UVRAG: variants seen among roughly 807,000 people sequenced by gnomAD.
UVRAG encodes UV radiation resistance-associated gene protein.
UVRAG carries 19 observed loss-of-function variants against 78.0 expected under a neutral mutation model. The ratio of observed to expected loss-of-function variants is 0.24; its 90% CI spans 0.17 to 0.36. UVRAG has a LOEUF of 0.36. Among genes scored for constraint, UVRAG ranks in the 10% least tolerant of loss-of-function variants. UVRAG has a pLI of 1.00. For missense variants in UVRAG, 740 were observed against 853.8 expected (o/e 0.87, Z 1.66); for synonymous variants, 323 against 324.6 (o/e 1.00, Z 0.05).
At chr11:75,844,392 A>G (rs1489394081) in intron 1 of UVRAG, among the ~76,000 whole-genome samples, 2 of 151,698 alleles carry the variant, frequency 1.3e-5, no homozygotes, top group Admixed American at 1.3e-4. Flanking sequence ...ACGCCTGGCT[A>G]ATTTTTTGTA....
intron 6 of UVRAG, among the ~76,000 whole-genome samples, chr11:75,955,478 A>G (rs930015164): frequency 6.6e-6 from 1 of 152,200 alleles, no homozygotes; most frequent in Non-Finnish European, 1.5e-5. Context: ...TGAACCTCTC[A>G]TATATATGAT....
At chr11:75,978,085 A>G (rs1949291371) in intron 7 of UVRAG, among the ~76,000 whole-genome samples, 1 of 152,094 alleles carries the variant, frequency 6.6e-6, no homozygotes, top group Admixed American at 6.5e-5. Context: ...ATCTCTCAGC[A>G]TTTGCTTGTC....
chr11:75,975,724 G>A (rs982591548), intron 7 of UVRAG, among the ~76,000 whole-genome samples: 8 of 152,340 alleles, frequency 5.3e-5, no homozygotes, highest in Admixed American at 2.0e-4. Context: ...TTTGTATCCT[G>A]AGACTTTGCT....
At chr11:76,040,128 T>C (rs1950616445) in intron 12 of UVRAG, among the ~76,000 whole-genome samples, 1 of 152,090 alleles carries the variant, frequency 6.6e-6, no homozygotes. Flanking sequence ...CCCTGGGCAT[T>C]ATCAAGTGTT....
At chr11:76,097,169 A>G (rs1364712307) in intron 13 of UVRAG, among the ~76,000 whole-genome samples, 3 of 152,094 alleles carry the variant, frequency 2.0e-5, no homozygotes, top group Admixed American at 6.6e-5. Context: ...GAGCCTGTAT[A>G]ACTGCTCGAC....
intron 7 of UVRAG, among the ~76,000 whole-genome samples, chr11:75,970,455 G>A (rs1022892306): frequency 6.6e-5 from 10 of 152,148 alleles, no homozygotes; most frequent in South Asian, 6.2e-4. Context: ...AGAAAGGGCC[G>A]GGCATGATGG....
At chr11:75,880,614 G>A (rs897630041) in intron 4 of UVRAG, among the ~76,000 whole-genome samples, 4 of 152,146 alleles carry the variant, frequency 2.6e-5, no homozygotes, top group Non-Finnish European at 4.4e-5. Flanking sequence ...GTGCAATGGC[G>A]CGCAATCTCG....
intron 12 of UVRAG, among the ~76,000 whole-genome samples, chr11:76,051,131 G>C (rs1388328589): frequency 6.6e-6 from 1 of 152,188 alleles, no homozygotes; most frequent in African/African-American, 2.4e-5. Context: ...ACATTGTGAA[G>C]TGTTGTCTTT....
chr11:76,120,664 A>C (rs1041532673), intron 14 of UVRAG, among the ~76,000 whole-genome samples: 2 of 152,214 alleles, frequency 1.3e-5, no homozygotes, highest in African/African-American at 4.8e-5. Context: ...ACTTTATGGT[A>C]CTGTAACGTA....
chr11:75,885,608 C>A (rs1019826087), intron 4 of UVRAG, among the ~76,000 whole-genome samples: 2 of 152,070 alleles, frequency 1.3e-5, no homozygotes, highest in South Asian at 2.1e-4. Context: ...TGCTGTTTTT[C>A]GTAAAGATAT....
At chr11:75,869,023 C>T (rs1285644727) in intron 3 of UVRAG, among the ~76,000 whole-genome samples, 1 of 152,194 alleles carries the variant, frequency 6.6e-6, no homozygotes, top group African/African-American at 2.4e-5. Context: ...CATTATTTCT[C>T]ATCCTGATAA....
chr11:75,842,939 T>C (rs1945948616), intron 1 of UVRAG, among the ~76,000 whole-genome samples: 1 of 152,226 alleles, frequency 6.6e-6, no homozygotes, highest in Admixed American at 6.5e-5. Flanking sequence ...TGGGGATTTA[T>C]GGAGTAATTA....
chr11:76,109,677 A>ATG (rs1952035875), intron 13 of UVRAG, among the ~76,000 whole-genome samples: 1 of 152,240 alleles, frequency 6.6e-6, no homozygotes, highest in Non-Finnish European at 1.5e-5. Context: ...TGCTGAATGA[A>ATG]TGAATAGAAC....
intron 6 of UVRAG, among the ~76,000 whole-genome samples, chr11:75,917,336 C>A (rs780539983): frequency 4.6e-5 from 7 of 152,182 alleles, no homozygotes; most frequent in Non-Finnish European, 8.8e-5. Flanking sequence ...TGTGTCTTTT[C>A]TCCTTAATGA....
intron 13 of UVRAG, among the ~76,000 whole-genome samples, chr11:76,069,068 G>A (rs1047248521): frequency 1.3e-4 from 20 of 152,200 alleles, no homozygotes; most frequent in African/African-American, 4.3e-4. Context: ...ATAGTCAATA[G>A]GACCTTTCAT....
chr11:76,033,354 A>G (rs1231939907), intron 12 of UVRAG, among the ~76,000 whole-genome samples: 1 of 152,204 alleles, frequency 6.6e-6, no homozygotes, highest in Non-Finnish European at 1.5e-5. Flanking sequence ...AAATATTTGT[A>G]TACTGATAAA....
chr11:75,997,091 T>TA (rs1358786362), intron 8 of UVRAG, among the ~76,000 whole-genome samples: 1 of 152,234 alleles, frequency 6.6e-6, no homozygotes, highest in Non-Finnish European at 1.5e-5. Flanking sequence ...TTGCAAAAGT[T>TA]ACAGCAAGAA....
intron 9 of UVRAG, 148 bp from the exon 10 acceptor site, chr11:76,007,386 G>T: frequency 1.6e-6 from 1 of 623,560 alleles, no homozygotes; most frequent in Non-Finnish European, 2.7e-6. Flanking sequence ...AAGACTTACG[G>T]TAACTATTAT....
intron 12 of UVRAG, among the ~76,000 whole-genome samples, chr11:76,065,143 T>C (rs1199050695): frequency 6.6e-6 from 1 of 152,240 alleles, no homozygotes; most frequent in African/African-American, 2.4e-5. Flanking sequence ...TATGAGAGCC[T>C]TATGGCATGA....
Sources: allele counts gnomAD v4.1 joint callset (sites outside exome capture counted in the v4.1 genomes callset), GRCh38; gene constraint gnomAD v4.1.1; transcripts MANE v1.5; gene names NCBI Gene and HGNC (gene_info 2026-07-23, HGNC 2026-07-21).